NID2: variants seen among roughly 807,000 people sequenced by gnomAD.
NID2 encodes nidogen-2.
In NID2, 83 loss-of-function variants were observed where a neutral mutation model predicts 145.4. The observed-to-expected ratio is 0.57, with a 90% CI of 0.48 to 0.69. NID2 has a LOEUF of 0.69. Among genes scored for constraint, NID2 ranks in the 30% least tolerant of loss-of-function variants. NID2 has a pLI of 0.00. For synonymous variants in NID2, 739 were observed against 701.3 expected (o/e 1.05, Z -0.85); for missense variants, 1,807 against 1,765.7 (o/e 1.02, Z -0.42).
chr14:52,041,096 A>T (rs1266443312), intron 7 of NID2, among the ~76,000 whole-genome samples: 1 of 152,194 alleles, frequency 6.6e-6, no homozygotes, highest in Non-Finnish European at 1.5e-5. Flanking sequence ...GTATTCTGTG[A>T]GAAATACTCT....
Position 52,029,642 on chromosome 14 carries a change from A to G in NID2, c.2306T>C (p.Met769Thr). The G allele has an allele frequency of 6.2e-7, 1 of 1,614,090 alleles. No homozygotes were observed. Among genetic ancestry groups the G allele is most frequent in the South Asian group, 1.1e-5 (1 of 91,076 alleles). ...PGNPCYDGSH[M>T]CDTTARCHPG... is the part of the protein sequence containing the mutation. ...ATGGCACCGTGCTGTTGTGTCACAC[A>G]TGTGGCTCCCATCATAGCAAGGATT... The change falls in exon 10 of 22, where the codon ATG becomes ACG. Residue 769 changes from methionine (M) to threonine (T), a missense_variant. Met to Thr is a moderately conservative substitution (Grantham distance 81). Transcript: ENST00000216286.
chr14:52,059,859 C>A (rs1019708504), intron 3 of NID2, among the ~76,000 whole-genome samples: 4 of 152,208 alleles, frequency 2.6e-5, no homozygotes, highest in African/African-American at 9.7e-5. Flanking sequence ...TTTTTCATAG[C>A]AAGCCTCAGT....
rs760954125 is a variant in NID2, at chr14:52,019,256, G to A, written c.2833C>T (p.Arg945Cys). 1.4e-5 allele frequency: 22 copies of A among 1,603,220 alleles called. No homozygotes were observed. The highest frequency in any genetic ancestry group is 5.3e-5 in the African/African-American group (4 of 74,856). The change falls in exon 14 of 22, where the codon CGC becomes TGC. Residue 945 changes from arginine to cysteine, a missense_variant. Physicochemically the swap from Arg to Cys is radical, Grantham distance 180 (BLOSUM62 -3). Transcript: ENST00000216286. ...TAGGCATACTGGGCCTGGGCATGGC[G>A]CTGCTGTTGTTCACAGGGTGTCAGG... ...SSLTPCEQQQ[R>C]HAQAQYAYPG...
intron 21 of NID2, 62 bp downstream of exon 21, chr14:52,005,675 A>G: frequency 6.9e-7 from 1 of 1,439,766 alleles, no homozygotes; most frequent in South Asian, 1.1e-5. Flanking sequence ...GTAATCAAAT[A>G]CCATATATAT....
At chr14:52,011,450 A>T in intron 17 of NID2, 104 bp downstream of exon 17, 2 of 1,442,546 alleles carry the variant, frequency 1.4e-6, no homozygotes, top group Non-Finnish European at 9.6e-7. Context: ...CCTAGAACTT[A>T]ACCTCCCCTA....
intron 12 of NID2, among the ~76,000 whole-genome samples, chr14:52,021,013 T>C (rs1156448779): frequency 7.0e-6 from 1 of 142,080 alleles, no homozygotes; most frequent in Non-Finnish European, 1.5e-5. Context: ...ACCCCTCCCA[T>C]CCCCAGCAGA....
rs925412014 is a variant in NID2, at chr14:52,020,366, A to C, written c.2675-188T>G. The C allele has an allele frequency of 5.6e-6, 5 of 890,910 alleles. No individual in the cohort carries two copies. The South Asian group carries it at 9.3e-5, about 17-fold the overall frequency. 55.2% of individuals were successfully genotyped at this position (890,910 alleles called of 1,614,324 possible). A position where few individuals can be genotyped will look rare whatever the true frequency, so the allele number is the denominator to read the frequency against. The stretch of plus-strand genomic sequence containing the variant: ...AAGCTTAATAGAAAGGAAGAAAAAA[A>C]ATCAAGGAACATGTGAGTTAACACA... On this transcript the variant is annotated intron_variant, in intron 12 of 21. Coordinates refer to ENST00000216286, the MANE Select transcript of NID2 (RefSeq NM_007361.4).
intron 9 of NID2, among the ~76,000 whole-genome samples, chr14:52,034,714 G>C (rs1891993895): frequency 6.6e-6 from 1 of 152,226 alleles, no homozygotes; most frequent in Non-Finnish European, 1.5e-5. Flanking sequence ...ACAAAGCACA[G>C]AACCGCGTAT....
intron 5 of NID2, among the ~76,000 whole-genome samples, chr14:52,052,560 A>C (rs902380747): frequency 6.6e-6 from 1 of 152,172 alleles, no homozygotes; most frequent in African/African-American, 2.4e-5. Flanking sequence ...ATCCTTACAC[A>C]ATGCCACATT....
rs1461118073 is a variant in NID2 at position 52,006,482 on chromosome 14, G to A, written c.4004+55C>T. The A allele has an allele frequency of 6.2e-6, 10 of 1,605,456 alleles. No individual in the cohort carries two copies. The East Asian group carries it at 1.8e-4, about 29-fold the overall frequency. ...ACTGACTTTTGGTAAAACAAGTGGT[G>A]TGTCCTCTGGAACAGTTGGCCTTTT... On this transcript the variant is annotated intron_variant, in intron 20 of 21. Transcript: ENST00000216286.
In NID2 at chr14:52,005,732, T is replaced by TTTACC. The variant is rs781086774; in HGVS notation, c.4117_4117+4dup. The TTTACC allele has an allele frequency of 1.1e-5, 17 of 1,607,262 alleles. No individual in the cohort carries two copies. The Middle Eastern group carries it at 8.2e-4, about 78-fold the overall frequency. On this transcript the variant is annotated splice_donor_region_variant and intron_variant, in intron 21 of 21. Coordinates refer to ENST00000216286, the MANE Select transcript of NID2 (RefSeq NM_007361.4). Reference sequence around the variant, plus strand: ...TAAAGGAGCATCCTAAAGCATACTTTTTACCTGTTGGGCAGTAGGGGTAGA... The same window carrying TTTACC: ...TAAAGGAGCATCCTAAAGCATACTTTTTACCTTACCTGTTGGGCAGTAGGGGTAGA...
rs758987593 is a variant in NID2 at position 52,068,042 on chromosome 14, T to C, written c.350A>G (p.His117Arg). 2 of 1,613,666 alleles carry C rather than the reference T, an allele frequency of 1.2e-6. No individual in the cohort carries two copies. Among genetic ancestry groups the C allele is most frequent in the African/African-American group, 2.7e-5 (2 of 74,926 alleles). Reference protein sequence around the residue: ...APFLADIDTSHGRGRVLYRED... With the variant: ...APFLADIDTSRGRGRVLYRED... ...TCGGTACAGGACTCGGCCTCTGCCG[T>C]GGCTCGTGTCGATGTCCGCCAGAAA... The change falls in exon 2 of 22, where the codon CAC becomes CGC. Residue 117 changes from histidine to arginine, a missense_variant. Coordinates refer to ENST00000216286, the MANE Select transcript of NID2 (RefSeq NM_007361.4).
At chr14:52,044,661 G>A (rs1892421237) in intron 5 of NID2, among the ~76,000 whole-genome samples, 1 of 152,136 alleles carries the variant, frequency 6.6e-6, no homozygotes, top group Non-Finnish European at 1.5e-5. Context: ...CACCCAAGCT[G>A]GAGAGCAGTG....
intron 9 of NID2, among the ~76,000 whole-genome samples, chr14:52,030,522 AAG>A (rs745477487): frequency 2.1e-5 from 1 of 47,402 alleles, no homozygotes; most frequent in Non-Finnish European, 4.7e-5. Context: ...AAAGAAAAGA[AAG>A]AAAGAAAGAA....
At chr14:52,063,403 A>C (rs1893081512) in intron 2 of NID2, among the ~76,000 whole-genome samples, 1 of 152,186 alleles carries the variant, frequency 6.6e-6, no homozygotes, top group Admixed American at 6.5e-5. Flanking sequence ...GAAAAGCCAG[A>C]GCCCTCTGCA....
At chr14:52,020,968 T>A (rs2140363133) in intron 12 of NID2, among the ~76,000 whole-genome samples, 1 of 152,204 alleles carries the variant, frequency 6.6e-6, no homozygotes, top group South Asian at 2.1e-4. Flanking sequence ...TTTTATTTAA[T>A]GAAATCCGCA....
Position 52,063,092 on chromosome 14 carries a change from T to C in NID2, c.535-2736A>G, listed in dbSNP as rs544978085. Among the ~76,000 whole-genome samples, 13 of 152,344 alleles carry C rather than the reference T, an allele frequency of 8.5e-5. No homozygotes were observed. The South Asian group carries it at 2.7e-3, about 32-fold the overall frequency. ...GTTCTTGGTCAGTTCTACAAAATTC[T>C]ACATCTAATTGCTAAAGAGCCCACT... On this transcript the variant is annotated intron_variant, in intron 2 of 21. Coordinates refer to ENST00000216286, the MANE Select transcript of NID2 (RefSeq NM_007361.4).
chr14:52,065,861 T>C (rs1893184314), intron 2 of NID2, among the ~76,000 whole-genome samples: 2 of 142,138 alleles, frequency 1.4e-5, no homozygotes, highest in Admixed American at 7.2e-5. Flanking sequence ...TGCATAGTAT[T>C]CCATGGTGTA....
Position 52,068,078 on chromosome 14 carries a change from G to T in NID2, c.314C>A (p.Ala105Asp), listed in dbSNP as rs780368895. Residue 105 changes from alanine to aspartate, a missense_variant, in exon 2 of 22, where the codon GCC (alanine) becomes GAC (aspartate). By Grantham distance (126) the Ala-to-Asp change is moderately radical. Transcript: ENST00000216286. ...GATGTCCGCCAGAAAAGGGGCGATG[G>T]CCGGGAAGTCGGTGGGGAAATCATA... is the stretch of plus-strand genomic sequence containing the variant. ...VDYDFPTDFP[A>D]IAPFLADIDT... The T allele has an allele frequency of 6.2e-7, 1 of 1,613,744 alleles. No individual in the cohort carries two copies. The highest frequency in any genetic ancestry group is 2.2e-5 in the East Asian group (1 of 44,884).
Sources: allele counts gnomAD v4.1 joint callset (sites outside exome capture counted in the v4.1 genomes callset), GRCh38; gene constraint gnomAD v4.1.1; transcripts MANE v1.5; gene names NCBI Gene and HGNC (gene_info 2026-07-23, HGNC 2026-07-21).